PRKG1: variants seen among roughly 807,000 people sequenced by gnomAD.
PRKG1 encodes the protein cGMP-dependent protein kinase 1.
In PRKG1, 35 loss-of-function variants were observed where a neutral mutation model predicts 88.1. That is an observed-to-expected ratio of 0.40 (90% CI 0.30 to 0.53). PRKG1 has a LOEUF of 0.53. PRKG1 is among the 20% of genes least tolerant of loss of function. The pLI is 0.59. For missense variants in PRKG1, 540 were observed against 839.8 expected (o/e 0.64, Z 4.41); for synonymous variants, 303 against 292.5 (o/e 1.04, Z -0.37).
At chr10:51,097,309 GC>G (rs1161604426) in intron 1 of PRKG1, among the ~76,000 whole-genome samples, 1 of 152,052 alleles carries the variant, frequency 6.6e-6, no homozygotes, top group Non-Finnish European at 1.5e-5. Context: ...TGCAACTTCC[GC>G]CCCCTGGGTT....
chr10:51,494,537 T>G (rs1306277834), intron 3 of PRKG1, among the ~76,000 whole-genome samples: 1 of 152,116 alleles, frequency 6.6e-6, no homozygotes, highest in Non-Finnish European at 1.5e-5. Context: ...GAGAATGGAG[T>G]TGCAGAGAAC....
intron 2 of PRKG1, among the ~76,000 whole-genome samples, chr10:51,198,379 T>C (rs899731194): frequency 1.4e-4 from 21 of 152,310 alleles, no homozygotes; most frequent in African/African-American, 4.3e-4. Context: ...GACTGCATTG[T>C]GTAAAGCCTA....
chr10:52,274,956 C>G (rs562103850), intron 12 of PRKG1, among the ~76,000 whole-genome samples: 3 of 152,006 alleles, frequency 2.0e-5, no homozygotes, highest in South Asian at 2.1e-4. Flanking sequence ...TTTTTTCATA[C>G]GTTTATTGGC....
chr10:51,818,924 G>A lies in PRKG1; in HGVS notation c.698+14234G>A, dbSNP rs533931473. Among the ~76,000 whole-genome samples the A allele has an allele frequency of 1.2e-4, 14 of 115,428 alleles. No individual in the cohort carries two copies. In the East Asian group the frequency reaches 2.8e-3, roughly 23 times the overall value. The allele number at this position is 115,428 out of a possible 152,430, so 75.7% of individuals were successfully genotyped here. A position where few individuals can be genotyped will look rare whatever the true frequency, so the allele number is the denominator to read the frequency against. On this transcript the variant is annotated intron_variant, in intron 4 of 17. Coordinates refer to ENST00000373980, the MANE Select transcript of PRKG1 (RefSeq NM_006258.4). ...TGGGAGGCTGAGGCAGGAGAATGGCGTGAACCCGGGAGGCGGAGCTTGCAG... is the reference window on the plus strand; with the variant it reads ...TGGGAGGCTGAGGCAGGAGAATGGCATGAACCCGGGAGGCGGAGCTTGCAG...
chr10:51,830,945 CT>C (rs1285400274), intron 4 of PRKG1, among the ~76,000 whole-genome samples: 1 of 147,394 alleles, frequency 6.8e-6, no homozygotes, highest in African/African-American at 2.7e-5. Flanking sequence ...AATACTAAAT[CT>C]GTGCTACCTT....
intron 2 of PRKG1, among the ~76,000 whole-genome samples, chr10:51,275,637 G>A (rs1305433301): frequency 6.6e-6 from 1 of 152,114 alleles, no homozygotes; most frequent in African/African-American, 2.4e-5. Flanking sequence ...CACTTAACGA[G>A]CACATATCAA....
chr10:51,884,465 A>G (rs1220443601), intron 4 of PRKG1, among the ~76,000 whole-genome samples: 7 of 145,514 alleles, frequency 4.8e-5, no homozygotes, highest in African/African-American at 1.6e-4. Flanking sequence ...AAAAAAAAAA[A>G]AAAAAGAAAA....
At chr10:51,585,235 A>G (rs559075731) in intron 3 of PRKG1, among the ~76,000 whole-genome samples, 2 of 152,132 alleles carry the variant, frequency 1.3e-5, no homozygotes, top group South Asian at 4.1e-4. Flanking sequence ...TCAAAAGGGT[A>G]GTTTGATCAA....
At chr10:51,844,478 G>T (rs1840352682) in intron 4 of PRKG1, among the ~76,000 whole-genome samples, 1 of 152,086 alleles carries the variant, frequency 6.6e-6, no homozygotes, top group Admixed American at 6.5e-5. Flanking sequence ...GACCTTATTT[G>T]CCTATTACTA....
At chr10:51,646,412 T>A (rs1300915967) in intron 3 of PRKG1, among the ~76,000 whole-genome samples, 2 of 152,158 alleles carry the variant, frequency 1.3e-5, no homozygotes, top group African/African-American at 4.8e-5. Flanking sequence ...TTTTTCATCT[T>A]TGTCCTTCCG....
At chr10:51,290,439 A>C (rs1257712742) in intron 2 of PRKG1, among the ~76,000 whole-genome samples, 1 of 152,110 alleles carries the variant, frequency 6.6e-6, no homozygotes, top group Non-Finnish European at 1.5e-5. Flanking sequence ...ATATATCACT[A>C]TGATATATCA....
chr10:51,299,149 T>C (rs1840804213), intron 2 of PRKG1, among the ~76,000 whole-genome samples: 1 of 152,172 alleles, frequency 6.6e-6, no homozygotes, highest in South Asian at 2.1e-4. Context: ...CTTTGATGAA[T>C]TTATTGCTTA....
intron 2 of PRKG1, among the ~76,000 whole-genome samples, chr10:51,389,041 A>T (rs2040238613): frequency 6.6e-6 from 1 of 152,196 alleles, no homozygotes; most frequent in South Asian, 2.1e-4. Context: ...TGCTTCAGGG[A>T]TGCAATATAA....
At chr10:51,033,854 C>T (rs1843318901) in intron 1 of PRKG1, among the ~76,000 whole-genome samples, 1 of 151,484 alleles carries the variant, frequency 6.6e-6, no homozygotes, top group Non-Finnish European at 1.5e-5. Context: ...TTATATCCTG[C>T]AGTGTTTGCT....
Position 51,927,702 on chromosome 10 carries a change from C to T in PRKG1, c.762+20132C>T, listed in dbSNP as rs528623143. Among the ~76,000 whole-genome samples the T allele has an allele frequency of 7.2e-5, 11 of 152,232 alleles. No individual in the cohort carries two copies. The South Asian group carries it at 2.3e-3, about 32-fold the overall frequency. ...ATAAATACTTCCTATCTCTGCAGTG[C>T]TTTTCCCATGACCCCTCCTTCTATT... On this transcript the variant is annotated intron_variant, in intron 5 of 17. Transcript: ENST00000373980.
chr10:51,548,403 G>T (rs1842494618), intron 3 of PRKG1, among the ~76,000 whole-genome samples: 1 of 152,042 alleles, frequency 6.6e-6, no homozygotes, highest in Non-Finnish European at 1.5e-5. Flanking sequence ...TAGTAGATTG[G>T]TACCAAACTT....
intron 2 of PRKG1, among the ~76,000 whole-genome samples, chr10:51,422,965 T>TG (rs1838459692): frequency 6.6e-6 from 1 of 151,916 alleles, no homozygotes; most frequent in Non-Finnish European, 1.5e-5. Context: ...AAATAGGTTT[T>TG]TTTTTTTTTT....
chr10:52,189,802 G>A (rs1160444262), intron 9 of PRKG1, among the ~76,000 whole-genome samples: 1 of 152,196 alleles, frequency 6.6e-6, no homozygotes, highest in South Asian at 2.1e-4. Context: ...TACTGATCAG[G>A]TTGTAATATT....
intron 2 of PRKG1, among the ~76,000 whole-genome samples, chr10:51,411,176 T>C (rs1838076538): frequency 1.3e-5 from 2 of 152,114 alleles, no homozygotes; most frequent in Non-Finnish European, 2.9e-5. Flanking sequence ...ATTATTTGAA[T>C]TTTTAGTAGA....
Sources: gnomAD v4.1 joint callset for allele counts (sites outside exome capture counted in the v4.1 genomes callset) on GRCh38, gnomAD v4.1.1 for gene constraint, MANE v1.5 for transcripts, NCBI Gene and HGNC (gene_info 2026-07-23, HGNC 2026-07-21) for gene names.